The following TBL1XR1 variants were observed in gnomAD, a reference collection of about 807,000 sequenced individuals.
TBL1XR1 encodes TBL1X/Y related 1, also known as F-box-like/WD repeat-containing protein TBL1XR1.
TBL1XR1 carries 5 observed loss-of-function variants against 66.9 expected under a neutral mutation model. That is an observed-to-expected ratio of 0.07 (90% CI 0.04 to 0.16). The LOEUF (loss-of-function observed/expected upper bound fraction) is 0.16. Among genes scored for constraint, TBL1XR1 ranks in the 10% least tolerant of loss-of-function variants. The pLI, the probability that TBL1XR1 is intolerant of heterozygous loss-of-function variation, is 1.00. For missense variants in TBL1XR1, 238 were observed against 623.2 expected (o/e 0.38, Z 6.58); for synonymous variants, 210 against 206.0 (o/e 1.02, Z -0.17).
chr3:177,112,255 C>CT (rs1725745836), intron 1 of TBL1XR1, among the ~76,000 whole-genome samples: 3 of 150,694 alleles, frequency 2.0e-5, no homozygotes, highest in African/African-American at 7.3e-5. Context: ...TTACAGGCGT[C>CT]TGCCACTACG....
At chr3:177,184,665 G>A (rs1211183642) in intron 1 of TBL1XR1, among the ~76,000 whole-genome samples, 4 of 152,086 alleles carry the variant, frequency 2.6e-5, no homozygotes, top group African/African-American at 9.7e-5. Flanking sequence ...GCCAGGTATG[G>A]TGGCACATGC....
intron 15 of TBL1XR1, 118 bp downstream of exon 15, chr3:177,026,255 T>C: frequency 1.3e-6 from 1 of 758,848 alleles, no homozygotes. Context: ...AAAAAAAAAA[T>C]CAGTATCATA....
chr3:177,146,453 A>C (rs1438015835), intron 1 of TBL1XR1, among the ~76,000 whole-genome samples: 2 of 150,980 alleles, frequency 1.3e-5, no homozygotes, highest in African/African-American at 2.4e-5. Context: ...TGCCCAGGTA[A>C]TTTTTTGTAT....
At chr3:177,097,066 GA>G (rs1229222979) in intron 2 of TBL1XR1, among the ~76,000 whole-genome samples, 1 of 151,932 alleles carries the variant, frequency 6.6e-6, no homozygotes, top group Non-Finnish European at 1.5e-5. Flanking sequence ...TCAACATACT[GA>G]AAAAAATCCA....
At chr3:177,131,264 A>C (rs1728260525) in intron 1 of TBL1XR1, 1 of 882,282 alleles carries the variant, frequency 1.1e-6, no homozygotes, top group Non-Finnish European at 1.4e-6. Context: ...CAACACACAC[A>C]AAAAAAGTCA....
At chr3:177,100,541 C>T (rs1724072486) in intron 1 of TBL1XR1, among the ~76,000 whole-genome samples, 1 of 151,978 alleles carries the variant, frequency 6.6e-6, no homozygotes, top group Admixed American at 6.6e-5. Flanking sequence ...CTCCTGGTCT[C>T]AGCCTCCTGA....
intron 1 of TBL1XR1, among the ~76,000 whole-genome samples, chr3:177,112,107 A>ATTTTTTTTTTT (rs71170852): frequency 3.5e-4 from 13 of 37,652 alleles, no homozygotes; most frequent in Admixed American, 7.9e-4. Context: ...ATATATATAT[A>ATTTTTTTTTTT]TTTTTTTTTT....
At chr3:177,074,087 G>A (rs1214264251) in intron 2 of TBL1XR1, among the ~76,000 whole-genome samples, 5 of 152,136 alleles carry the variant, frequency 3.3e-5, no homozygotes, top group South Asian at 2.1e-4. Context: ...GCTACATAAG[G>A]AATAAAGGGA....
At chr3:177,109,048 G>A (rs1051311012) in intron 1 of TBL1XR1, among the ~76,000 whole-genome samples, 1 of 152,098 alleles carries the variant, frequency 6.6e-6, no homozygotes, top group Non-Finnish European at 1.5e-5. Flanking sequence ...AAATGTTATT[G>A]TCAAACATGT....
chr3:177,114,232 C>G (rs962622679), intron 1 of TBL1XR1, among the ~76,000 whole-genome samples: 4 of 151,392 alleles, frequency 2.6e-5, no homozygotes, highest in African/African-American at 9.7e-5. Flanking sequence ...TATACATACA[C>G]ATCATATATA....
chr3:177,189,038 T>G (rs1057313625), intron 1 of TBL1XR1, among the ~76,000 whole-genome samples: 1 of 151,178 alleles, frequency 6.6e-6, no homozygotes, highest in Non-Finnish European at 1.5e-5. Flanking sequence ...AAACCCTATC[T>G]CTACTAAAAA....
At chr3:177,055,479 T>C (rs1717679708) in intron 3 of TBL1XR1, among the ~76,000 whole-genome samples, 1 of 143,750 alleles carries the variant, frequency 7.0e-6, no homozygotes, top group Non-Finnish European at 1.5e-5. Flanking sequence ...AGCAAGATCA[T>C]AATTAAATGC....
At position 177,024,835 on chromosome 3, in the gene TBL1XR1, C is replaced by T. The variant is rs549340350; in HGVS notation, c.*663G>A. 1 of 152,514 alleles carries T rather than the reference C, an allele frequency of 6.6e-6. No homozygotes were observed. The highest frequency in any genetic ancestry group is 2.4e-5 in the African/African-American group (1 of 41,512). 9.4% of individuals were successfully genotyped at this position (152,514 alleles called of 1,614,324 possible). ...AGGTTTTCATTTAATTTCCAATTCCCCCTTCCACAACATGCACCAACTGAA... is the reference window on the plus strand; with the variant it reads ...AGGTTTTCATTTAATTTCCAATTCCTCCTTCCACAACATGCACCAACTGAA... On this transcript the variant is annotated 3_prime_UTR_variant, in exon 16 of 16. Transcript: ENST00000457928.
At chr3:177,194,029 C>T (rs2109018572) in intron 1 of TBL1XR1, 1 of 152,364 alleles carries the variant, frequency 6.6e-6, no homozygotes, top group African/African-American at 2.4e-5. Flanking sequence ...TCTCCTCTGG[C>T]TCTATGGTTA....
intron 1 of TBL1XR1, among the ~76,000 whole-genome samples, chr3:177,155,298 T>C (rs932182439): frequency 2.0e-5 from 3 of 152,282 alleles, no homozygotes; most frequent in Admixed American, 2.0e-4. Context: ...ATAAAACTGA[T>C]ACCTCTCACT....
At chr3:177,079,518 T>C (rs1721137526) in intron 2 of TBL1XR1, 2 of 151,948 alleles carry the variant, frequency 1.3e-5, no homozygotes, top group Admixed American at 1.3e-4. Flanking sequence ...TTTTTTAATC[T>C]AAATGTAACA....
In TBL1XR1 at chr3:177,143,799, AT is replaced by A. The variant is rs1334398312; in HGVS notation, c.-121-45259del. 8.0e-4 allele frequency among the ~76,000 whole-genome samples: 122 copies of A among 152,344 alleles called. No individual in the cohort carries two copies. In the South Asian group the frequency reaches 0.023, roughly 29 times the overall value. On this transcript the variant is annotated intron_variant, in intron 1 of 15. Coordinates refer to ENST00000457928, the MANE Select transcript of TBL1XR1 (RefSeq NM_024665.7). The stretch of plus-strand genomic sequence containing the variant: ...GATAGTTCATTCAGGCTCTAACAGA[AT>A]TAAATTATCAACTGTGGTCATCTGC...
At chr3:177,143,075 T>C (rs77806988) in intron 1 of TBL1XR1, among the ~76,000 whole-genome samples, 9,377 of 151,310 alleles carry the variant, frequency 0.062, 377 homozygotes, top group South Asian at 0.16. Context: ...CTATCTAGTA[T>C]TGCTAAGTAC....
chr3:177,146,835 C>T (rs145107047), intron 1 of TBL1XR1, among the ~76,000 whole-genome samples: 584 of 152,130 alleles, frequency 3.8e-3, no homozygotes, highest in Non-Finnish European at 5.8e-3. Flanking sequence ...TAGTGAGTCA[C>T]TGTTTCAAGC....
Sources: allele counts gnomAD v4.1 joint callset (sites outside exome capture counted in the v4.1 genomes callset), GRCh38; gene constraint gnomAD v4.1.1; transcripts MANE v1.5; gene names NCBI Gene and HGNC (gene_info 2026-07-23, HGNC 2026-07-21).